Variants in NCALD observed in about 807,000 individuals in gnomAD.
The protein encoded by NCALD is neurocalcin-delta.
In NCALD, 10 loss-of-function variants were observed where a neutral mutation model predicts 18.6. The ratio of observed to expected loss-of-function variants is 0.54; its 90% CI spans 0.33 to 0.91. The LOEUF is 0.91. NCALD is among the 40% of genes least tolerant of loss of function. The pLI, the probability that NCALD is intolerant of heterozygous loss-of-function variation, is 0.03. For missense variants in NCALD, 184 were observed against 247.6 expected (o/e 0.74, Z 1.72); for synonymous variants, 88 against 87.4 (o/e 1.01, Z -0.04).
intron 1 of NCALD, among the ~76,000 whole-genome samples, chr8:102,053,176 C>T (rs1040529899): frequency 2.0e-5 from 3 of 152,130 alleles, no homozygotes; most frequent in Non-Finnish European, 2.9e-5. Flanking sequence ...TAAAAATTCA[C>T]CATATGTCAT....
chr8:101,902,011 G>A (rs559118349), intron 3 of NCALD, among the ~76,000 whole-genome samples: 32 of 152,154 alleles, frequency 2.1e-4, no homozygotes, highest in African/African-American at 7.5e-4. Context: ...GGCTGGTCTC[G>A]AACTCCTGAC....
At chr8:101,763,451 G>A (rs573705115) in intron 1 of NCALD, among the ~76,000 whole-genome samples, 3 of 152,244 alleles carry the variant, frequency 2.0e-5, no homozygotes, top group South Asian at 2.1e-4. Flanking sequence ...CCAATGACAG[G>A]GAAAGGTACA....
intron 4 of NCALD, among the ~76,000 whole-genome samples, chr8:101,801,510 T>G (rs1006208074): frequency 6.6e-5 from 10 of 152,088 alleles, no homozygotes; most frequent in African/African-American, 2.4e-4. Flanking sequence ...GAATACTCTT[T>G]GCAAACAGTG....
chr8:101,965,563 A>G (rs1389033805), intron 2 of NCALD, among the ~76,000 whole-genome samples: 1 of 152,134 alleles, frequency 6.6e-6, no homozygotes, highest in African/African-American at 2.4e-5. Context: ...GAGTTGAACA[A>G]TGAGAACACA....
intron 1 of NCALD, among the ~76,000 whole-genome samples, chr8:101,769,490 T>C (rs1811493373): frequency 6.6e-6 from 1 of 152,170 alleles, no homozygotes; most frequent in South Asian, 2.1e-4. Context: ...CATATTCCTT[T>C]CCGTTGGAAA....
chr8:101,909,814 A>G (rs1254081365), intron 3 of NCALD, among the ~76,000 whole-genome samples: 1 of 138,642 alleles, frequency 7.2e-6, no homozygotes, highest in African/African-American at 3.0e-5. Context: ...ACGCCCCTTA[A>G]GGTTATTTAC....
At chr8:101,778,452 G>A (rs1811882795) in intron 1 of NCALD, among the ~76,000 whole-genome samples, 1 of 152,132 alleles carries the variant, frequency 6.6e-6, no homozygotes, top group African/African-American at 2.4e-5. Context: ...AAAGGAAATG[G>A]AGTTGGAACA....
At chr8:101,779,658 T>C (rs1241092733) in intron 1 of NCALD, among the ~76,000 whole-genome samples, 3 of 152,250 alleles carry the variant, frequency 2.0e-5, no homozygotes, top group African/African-American at 7.2e-5. Context: ...CCCTTTTTTA[T>C]ATAATTTTCA....
intron 1 of NCALD, among the ~76,000 whole-genome samples, chr8:101,731,227 C>T (rs747755964): frequency 9.2e-5 from 14 of 152,080 alleles, no homozygotes; most frequent in Admixed American, 2.0e-4. Context: ...AAGGAGATGA[C>T]GTCAGCACCA....
intron 2 of NCALD, among the ~76,000 whole-genome samples, chr8:101,944,298 ATGTGTACCC>A (rs986727610): frequency 1.2e-4 from 19 of 152,226 alleles, no homozygotes; most frequent in African/African-American, 4.3e-4. Context: ...CAGGCTGCTT[ATGTGTACCC>A]TGTCCAATAT....
chr8:102,107,719 A>C (rs1002450146), intron 1 of NCALD, among the ~76,000 whole-genome samples: 1 of 152,202 alleles, frequency 6.6e-6, no homozygotes, highest in Non-Finnish European at 1.5e-5. Flanking sequence ...CTCCTCTAAC[A>C]GCAACATTGT....
intron 1 of NCALD, among the ~76,000 whole-genome samples, chr8:102,074,103 G>A (rs780034386): frequency 1.2e-4 from 19 of 152,162 alleles, no homozygotes; most frequent in Non-Finnish European, 2.1e-4. Flanking sequence ...ATTTACTGAC[G>A]GTACAAGGCG....
chr8:101,798,802 G>A (rs947235631), intron 4 of NCALD, among the ~76,000 whole-genome samples: 1 of 152,204 alleles, frequency 6.6e-6, no homozygotes, highest in Non-Finnish European at 1.5e-5. Flanking sequence ...CTGGCATAGG[G>A]ACAGACATGT....
At chr8:101,729,979 C>A (rs1586328823) in intron 1 of NCALD, among the ~76,000 whole-genome samples, 1 of 152,026 alleles carries the variant, frequency 6.6e-6, no homozygotes, top group South Asian at 2.1e-4. Flanking sequence ...AGTATTACAT[C>A]ATTATTGAAA....
chr8:101,988,896 C>T (rs2131974462), intron 2 of NCALD, among the ~76,000 whole-genome samples: 1 of 106,762 alleles, frequency 9.4e-6, no homozygotes, highest in South Asian at 3.7e-4. Flanking sequence ...ACAGCAGGTG[C>T]CAGCAGAAAA....
intron 1 of NCALD, among the ~76,000 whole-genome samples, chr8:102,079,676 A>G (rs553576361): frequency 6.6e-6 from 1 of 152,372 alleles, no homozygotes; most frequent in South Asian, 2.1e-4. Context: ...CCCTATGTAT[A>G]GCAACAACTG....
At chr8:101,980,268 G>C (rs1417150488) in intron 2 of NCALD, among the ~76,000 whole-genome samples, 1 of 152,200 alleles carries the variant, frequency 6.6e-6, no homozygotes, top group Non-Finnish European at 1.5e-5. Flanking sequence ...GCGCACATTA[G>C]ATGCTGTGTC....
At chr8:102,090,268 T>C (rs893872377) in intron 1 of NCALD, among the ~76,000 whole-genome samples, 2 of 152,246 alleles carry the variant, frequency 1.3e-5, no homozygotes, top group Admixed American at 6.5e-5. Context: ...GAAATTGTTA[T>C]ATACCACAGA....
chr8:101,996,715 T>C (rs569802899), intron 2 of NCALD, among the ~76,000 whole-genome samples: 70 of 152,312 alleles, frequency 4.6e-4, no homozygotes, highest in South Asian at 2.5e-3. Flanking sequence ...CTTTCAGAGC[T>C]AGAAGAGACA....
Sources: allele counts gnomAD v4.1 joint callset (sites outside exome capture counted in the v4.1 genomes callset), GRCh38; gene constraint gnomAD v4.1.1; transcripts MANE v1.5; gene names NCBI Gene and HGNC (gene_info 2026-07-23, HGNC 2026-07-21).